OSBPL10: variants seen among roughly 807,000 people sequenced by gnomAD.
The protein encoded by OSBPL10 is oxysterol-binding protein-related protein 10.
A neutral mutation model predicts 81.7 loss-of-function variants in OSBPL10; 49 were observed. The observed-to-expected ratio is 0.60, with a 90% CI of 0.48 to 0.76. The LOEUF (loss-of-function observed/expected upper bound fraction) is 0.76. OSBPL10 is among the 30% of genes least tolerant of loss of function. The pLI, the probability that OSBPL10 is intolerant of heterozygous loss-of-function variation, is 0.00. For missense variants in OSBPL10, 923 were observed against 987.8 expected (o/e 0.93, Z 0.88); for synonymous variants, 419 against 383.6 (o/e 1.09, Z -1.08).
At chr3:31,771,070 T>G (rs1232717040) in intron 4 of OSBPL10, among the ~76,000 whole-genome samples, 36 of 152,192 alleles carry the variant, frequency 2.4e-4, no homozygotes. Context: ...AGGCTTATCA[T>G]GAGGAATGAA....
chr3:31,752,550 AAC>A (rs1175831896), intron 4 of OSBPL10, among the ~76,000 whole-genome samples: 2 of 152,234 alleles, frequency 1.3e-5, no homozygotes, highest in East Asian at 3.8e-4. Context: ...TATAAACAAT[AAC>A]ACATGCGTTA....
At chr3:31,983,483 G>C (rs948448508), upstream of OSBPL10, among the ~76,000 whole-genome samples, 2 of 152,212 alleles carry the variant, frequency 1.3e-5, no homozygotes, top group Non-Finnish European at 1.5e-5. Flanking sequence ...GTTCAAGTGG[G>C]GAAGGAACTA....
At chr3:32,041,592 T>C (rs114649235) in intron 2 of OSBPL10, among the ~76,000 whole-genome samples, 2,719 of 152,324 alleles carry the variant, frequency 0.018, 91 homozygotes, top group African/African-American at 0.062. Flanking sequence ...CCAACATTGA[T>C]GCCTCTCTTG....
At chr3:32,000,138 TCTTC>T (rs1327990148) in intron 2 of OSBPL10, among the ~76,000 whole-genome samples, 2 of 152,190 alleles carry the variant, frequency 1.3e-5, no homozygotes, top group African/African-American at 4.8e-5. Flanking sequence ...TTTGAGGCTG[TCTTC>T]CTCTACCTGG....
chr3:31,951,845 T>C (rs1055877960), intron 1 of OSBPL10, among the ~76,000 whole-genome samples: 5 of 152,102 alleles, frequency 3.3e-5, no homozygotes, highest in Non-Finnish European at 5.9e-5. Context: ...CAAACTAAGC[T>C]TTTCATTAAC....
Position 31,739,445 on chromosome 3 carries a change from C to T in OSBPL10, c.941-6034G>A, listed in dbSNP as rs1055727653. On this transcript the variant is annotated intron_variant, in intron 5 of 11. Transcript: ENST00000396556. Reference sequence around the variant, plus strand: ...TCCCCCAAGATTCATATGTTGAAGTCCTAAACCCCAATGTGACCATATTTT... The same window carrying T: ...TCCCCCAAGATTCATATGTTGAAGTTCTAAACCCCAATGTGACCATATTTT... Among the ~76,000 whole-genome samples, 3 of 152,080 alleles carry T rather than the reference C, an allele frequency of 2.0e-5. No homozygotes were observed. The East Asian group carries it at 5.8e-4, about 29-fold the overall frequency.
At position 31,830,142 on chromosome 3, in the gene OSBPL10, A is replaced by G. The variant is rs1190033773; in HGVS notation, c.627T>C (p.Ser209=). The part of the protein sequence containing the change: ...SASPCSQRHL[S]VGAPGVVTIT... The stretch of plus-strand genomic sequence containing the variant: ...TTGTGACAACACCGGGGGCCCCCAC[A>G]CTGAGGTGTCTCTGGCTACAGGGAG... Residue 209 remains serine, a synonymous_variant, in exon 4 of 12, where the codon AGT becomes AGC. Coordinates refer to ENST00000396556, the MANE Select transcript of OSBPL10 (RefSeq NM_017784.5). 4 of 1,614,110 alleles carry G rather than the reference A, an allele frequency of 2.5e-6. No homozygotes were observed. The highest frequency in any genetic ancestry group is 1.7e-5 in the Admixed American group (1 of 60,016).
chr3:31,696,596 CACA>C (rs1695729903), intron 7 of OSBPL10, among the ~76,000 whole-genome samples: 1 of 152,240 alleles, frequency 6.6e-6, no homozygotes, highest in Non-Finnish European at 1.5e-5. Context: ...ACGTGGCTTC[CACA>C]ACATCACACT....
chr3:31,987,681 A>C (rs1229201684), intron 2 of OSBPL10, among the ~76,000 whole-genome samples: 2 of 152,160 alleles, frequency 1.3e-5, no homozygotes, highest in Non-Finnish European at 2.9e-5. Context: ...TGGCATGGGG[A>C]GGGTTCCAAA....
rs373734310 is a variant in OSBPL10 at position 31,895,427 on chromosome 3, G to A, written c.282-15597C>T. 1.1e-4 allele frequency among the ~76,000 whole-genome samples: 16 copies of A among 151,806 alleles called. No homozygotes were observed. In the East Asian group the frequency reaches 1.5e-3, roughly 15 times the overall value. On this transcript the variant is annotated intron_variant, in intron 1 of 11. Coordinates refer to ENST00000396556, the MANE Select transcript of OSBPL10 (RefSeq NM_017784.5). ...GCTGGGATTACAGACATGAGCCACCGCACCCAGCCCAGACTTTTTTTAAAC... is the reference window on the plus strand; with the variant it reads ...GCTGGGATTACAGACATGAGCCACCACACCCAGCCCAGACTTTTTTTAAAC...
intron 1 of OSBPL10, among the ~76,000 whole-genome samples, chr3:31,928,767 A>C (rs771973139): frequency 0.16 from 23,901 of 149,508 alleles, 2,427 homozygotes; most frequent in South Asian, 0.26. Context: ...GTCTCCAAAA[A>C]AAAAAAAAAA....
At chr3:31,732,655 G>A (rs1197486744) in intron 6 of OSBPL10, 1 of 152,442 alleles carries the variant, frequency 6.6e-6, no homozygotes, top group Non-Finnish European at 1.5e-5. Context: ...AAATAGGAGA[G>A]CCAGGCTGCG....
At chr3:31,921,379 A>G (rs1696908119) in intron 1 of OSBPL10, among the ~76,000 whole-genome samples, 1 of 152,132 alleles carries the variant, frequency 6.6e-6, no homozygotes, top group Non-Finnish European at 1.5e-5. Context: ...TGATTCTAAG[A>G]CTGGGGCAGG....
intron 1 of OSBPL10, among the ~76,000 whole-genome samples, chr3:31,880,383 G>A (rs528790448): frequency 2.8e-4 from 43 of 152,324 alleles, no homozygotes; most frequent in African/African-American, 8.4e-4. Context: ...CCATTCACAC[G>A]AAGGCAAGGA....
At chr3:31,886,007 AAAAAAAAG>A (rs1317591339) in intron 1 of OSBPL10, among the ~76,000 whole-genome samples, 7 of 147,068 alleles carry the variant, frequency 4.8e-5, no homozygotes, top group African/African-American at 1.5e-4. Flanking sequence ...AAAAAAAAAA[AAAAAAAAG>A]AAAGAAAGAA....
At chr3:31,990,934 C>T (rs1699020572) in intron 2 of OSBPL10, 1 of 1,575,332 alleles carries the variant, frequency 6.3e-7, no homozygotes. Flanking sequence ...CCATACCGGA[C>T]AGAAATCTTA....
At chr3:31,993,707 A>C (rs1699060309) in intron 2 of OSBPL10, among the ~76,000 whole-genome samples, 1 of 133,934 alleles carries the variant, frequency 7.5e-6, no homozygotes, top group Non-Finnish European at 1.6e-5. Flanking sequence ...CACACACACA[A>C]AACTGAGGAT....
At chr3:31,947,092 C>G (rs575034419) in intron 1 of OSBPL10, among the ~76,000 whole-genome samples, 1 of 152,188 alleles carries the variant, frequency 6.6e-6, no homozygotes, top group African/African-American at 2.4e-5. Flanking sequence ...TACTAGAGAA[C>G]GAGACACAGC....
At chr3:32,016,545 T>C (rs1242122562) in intron 2 of OSBPL10, among the ~76,000 whole-genome samples, 1 of 152,162 alleles carries the variant, frequency 6.6e-6, no homozygotes, top group African/African-American at 2.4e-5. Flanking sequence ...TGTATACATA[T>C]GTAACAAACC....
Sources: allele counts gnomAD v4.1 joint callset (sites outside exome capture counted in the v4.1 genomes callset), GRCh38; gene constraint gnomAD v4.1.1; transcripts MANE v1.5; gene names NCBI Gene and HGNC (gene_info 2026-07-23, HGNC 2026-07-21).